Variants in RALYL observed in about 807,000 individuals in gnomAD.
RALYL encodes RALY RNA binding protein like.
RALYL carries 29 observed loss-of-function variants against 35.1 expected under a neutral mutation model. The observed-to-expected ratio is 0.83, with a 90% CI of 0.61 to 1.13. The LOEUF (loss-of-function observed/expected upper bound fraction) is 1.13. Among genes scored for constraint, RALYL ranks in the 50% most tolerant of loss-of-function variants. The probability of loss-of-function intolerance (pLI) is 0.00; values close to 1 mark genes in which losing one functional copy is unlikely to be tolerated. For synonymous variants in RALYL, 120 were observed against 127.6 expected, an observed-to-expected ratio of 0.94 and a Z score of 0.40; for missense variants, 359 against 360.4, an observed-to-expected ratio of 1.00 and a Z score of 0.03.
intron 1 of RALYL, among the ~76,000 whole-genome samples, chr8:84,262,051 A>T (rs1832413247): frequency 6.6e-6 from 1 of 152,142 alleles, no homozygotes; most frequent in Non-Finnish European, 1.5e-5. Flanking sequence ...CATACTCAGA[A>T]TATTCTCATG....
At chr8:84,774,934 G>T (rs768918880) in intron 3 of RALYL, among the ~76,000 whole-genome samples, 2 of 151,984 alleles carry the variant, frequency 1.3e-5, no homozygotes, top group Non-Finnish European at 2.9e-5. Flanking sequence ...AAAGGCCAAT[G>T]TTGGTTAACT....
chr8:84,459,068 ATAAT>A (rs1475699311), intron 1 of RALYL, among the ~76,000 whole-genome samples: 3 of 151,806 alleles, frequency 2.0e-5, no homozygotes, highest in African/African-American at 7.2e-5. Context: ...AGAAGTAAAA[ATAAT>A]TAAGTCAAAC....
At chr8:84,367,944 T>G (rs1456990717) in intron 1 of RALYL, among the ~76,000 whole-genome samples, 1 of 152,160 alleles carries the variant, frequency 6.6e-6, no homozygotes, top group African/African-American at 2.4e-5. Context: ...TTAAAAAAAG[T>G]CACCTTTTCC....
rs190636373 is a variant in RALYL at position 84,782,740 on chromosome 8, T to A, written c.332+8086T>A. Among the ~76,000 whole-genome samples, 191 of 152,344 alleles carry A rather than the reference T, an allele frequency of 1.3e-3. 1 individual carries two copies. The highest frequency in any genetic ancestry group is 3.6e-3 in the African/African-American group (149 of 41,580). Reference sequence around the variant, plus strand: ...CCTACTGGAGCTTAGCAGGAACGTGTGCATCTCATATGCTAGGTCATTGCG... The same window carrying A: ...CCTACTGGAGCTTAGCAGGAACGTGAGCATCTCATATGCTAGGTCATTGCG... On this transcript the variant is annotated intron_variant, in intron 3 of 8. Transcript: ENST00000521268.
intron 2 of RALYL, among the ~76,000 whole-genome samples, chr8:84,743,858 G>T (rs1339908349): frequency 2.0e-5 from 3 of 152,034 alleles, no homozygotes; most frequent in African/African-American, 7.2e-5. Flanking sequence ...CACATTTTAT[G>T]ATTTCACTTA....
At chr8:84,834,407 C>CT (rs1831531554) in intron 4 of RALYL, among the ~76,000 whole-genome samples, 1 of 152,166 alleles carries the variant, frequency 6.6e-6, no homozygotes, top group African/African-American at 2.4e-5. Context: ...GACTTGAGGT[C>CT]AGAGAAGTCT....
intron 1 of RALYL, among the ~76,000 whole-genome samples, chr8:84,260,442 C>T (rs1832048051): frequency 6.6e-6 from 1 of 152,096 alleles, no homozygotes; most frequent in African/African-American, 2.4e-5. Context: ...CTTAGTTCTC[C>T]TCTATGTGGC....
In RALYL at chr8:84,634,155, C is replaced by G. The variant is rs190979573; in HGVS notation, c.256+104578C>G. ...TATTATTAAATTTCGTATTCATGAT[C>G]TCCACATCTAAATAAGAGTACACAT... On this transcript the variant is annotated intron_variant, in intron 2 of 8. Transcript: ENST00000521268. Among the ~76,000 whole-genome samples, 555 of 151,960 alleles carry G rather than the reference C, an allele frequency of 3.7e-3. 4 individuals are homozygous for G. The highest frequency in any genetic ancestry group is 0.012 in the African/African-American group (517 of 41,512).
At chr8:84,573,869 T>C (rs1808663870) in intron 2 of RALYL, among the ~76,000 whole-genome samples, 2 of 151,992 alleles carry the variant, frequency 1.3e-5, no homozygotes, top group South Asian at 4.1e-4. Context: ...TTTTCTTTTA[T>C]ATACTTTTCA....
intron 2 of RALYL, among the ~76,000 whole-genome samples, chr8:84,620,495 C>T (rs1220218589): frequency 6.6e-6 from 1 of 152,072 alleles, no homozygotes; most frequent in East Asian, 1.9e-4. Flanking sequence ...ATACATTCTT[C>T]TAAATTGTTT....
At chr8:84,624,048 G>A (rs569735630) in intron 2 of RALYL, among the ~76,000 whole-genome samples, 7 of 152,234 alleles carry the variant, frequency 4.6e-5, no homozygotes, top group Admixed American at 4.6e-4. Flanking sequence ...TTCACTTTGG[G>A]TTATTGTTAG....
At chr8:84,410,853 G>T (rs1172886276) in intron 1 of RALYL, among the ~76,000 whole-genome samples, 1 of 151,694 alleles carries the variant, frequency 6.6e-6, no homozygotes. Context: ...GAGTGAATAA[G>T]AGTTTATATT....
chr8:84,666,784 A>T (rs965244519), intron 2 of RALYL, among the ~76,000 whole-genome samples: 1 of 152,072 alleles, frequency 6.6e-6, no homozygotes, highest in South Asian at 2.1e-4. Flanking sequence ...GCAAGAAGAA[A>T]ATGAATTATA....
Position 84,868,766 on chromosome 8 carries a change from T to C in RALYL, c.572-4518T>C, listed in dbSNP as rs575081703. ...TGTAGGCATAAGTATTATGAATACA[T>C]ATATATGCATATATATGTAATTCCC... On this transcript the variant is annotated intron_variant, in intron 6 of 8. Transcript: ENST00000521268. Among the ~76,000 whole-genome samples, 137 of 152,276 alleles carry C rather than the reference T, an allele frequency of 9.0e-4. 3 individuals are homozygous for C. Among genetic ancestry groups the C allele is most frequent in the African/African-American group, 3.1e-3 (129 of 41,578 alleles).
chr8:84,680,096 C>T (rs561373482), intron 2 of RALYL, among the ~76,000 whole-genome samples: 6 of 151,894 alleles, frequency 4.0e-5, no homozygotes, highest in Admixed American at 1.3e-4. Flanking sequence ...TGAGAACATG[C>T]GGTGTTTGGT....
chr8:84,829,915 G>A (rs922720673), intron 4 of RALYL, among the ~76,000 whole-genome samples: 14 of 148,204 alleles, frequency 9.4e-5, no homozygotes, highest in East Asian at 2.0e-4. Context: ...CATTAACATC[G>A]AACTCACAGC....
chr8:84,466,888 G>A (rs1373838803), intron 1 of RALYL, among the ~76,000 whole-genome samples: 3 of 151,416 alleles, frequency 2.0e-5, no homozygotes, highest in African/African-American at 7.2e-5. Context: ...TATGTGTCGA[G>A]GAATTTATCC....
Position 84,312,400 on chromosome 8 carries a change from A to T in RALYL, c.-24+127976A>T, listed in dbSNP as rs561874439. On this transcript the variant is annotated intron_variant, in intron 1 of 8. Coordinates refer to ENST00000521268, the MANE Select transcript of RALYL (RefSeq NM_173848.7). ...CATGCCTTCCCAACAGTCCCCCAAC[A>T]TCTTAACTCATTCCAGCATTAACTC... Among the ~76,000 whole-genome samples, 36 of 152,250 alleles carry T rather than the reference A, an allele frequency of 2.4e-4. 2 individuals carry two copies. The South Asian group carries it at 5.8e-3, about 25-fold the overall frequency.
intron 1 of RALYL, among the ~76,000 whole-genome samples, chr8:84,186,303 G>A (rs1001546480): frequency 6.6e-6 from 1 of 152,018 alleles, no homozygotes; most frequent in African/African-American, 2.4e-5. Flanking sequence ...TCTTTCATAT[G>A]CCTCAAACAG....
Sources: allele counts gnomAD v4.1 joint callset (sites outside exome capture counted in the v4.1 genomes callset), GRCh38; gene constraint gnomAD v4.1.1; transcripts MANE v1.5; gene names NCBI Gene and HGNC (gene_info 2026-07-23, HGNC 2026-07-21).